The following NELL1 variants were observed in gnomAD, a reference collection of about 807,000 sequenced individuals.
The protein encoded by NELL1 is protein kinase C-binding protein NELL1.
A neutral mutation model predicts 107.4 loss-of-function variants in NELL1; 76 were observed. The observed-to-expected ratio is 0.71, with a 90% CI of 0.59 to 0.86. The LOEUF (loss-of-function observed/expected upper bound fraction) is 0.86, where lower values mean the gene tolerates loss of function less well. Ranked by LOEUF, NELL1 falls within the 40% of genes least tolerant of loss-of-function variation. The probability of loss-of-function intolerance (pLI) is 0.00; values close to 1 mark genes in which losing one functional copy is unlikely to be tolerated. For missense variants in NELL1, 1,024 were observed against 1,005.5 expected (o/e 1.02, Z -0.25); for synonymous variants, 353 against 341.2 (o/e 1.03, Z -0.38).
chr11:20,921,740 A>C (rs995926670), intron 7 of NELL1, among the ~76,000 whole-genome samples: 3 of 151,332 alleles, frequency 2.0e-5, no homozygotes, highest in Non-Finnish European at 2.9e-5. Context: ...TAGAACTTGT[A>C]GTAACTTTTC....
intron 14 of NELL1, among the ~76,000 whole-genome samples, chr11:21,340,582 A>AGTAGG (rs76828592): frequency 0.39 from 57,741 of 148,702 alleles, 11,223 homozygotes; most frequent in East Asian, 0.45. Context: ...GGCATAGTGG[A>AGTAGG]GTAGGGTAGG....
chr11:20,939,782 G>A (rs368872177), intron 10 of NELL1, among the ~76,000 whole-genome samples: 1 of 152,130 alleles, frequency 6.6e-6, no homozygotes, highest in Non-Finnish European at 1.5e-5. Context: ...TACTGGTGCA[G>A]GAAGAGGAAC....
intron 15 of NELL1, among the ~76,000 whole-genome samples, chr11:21,530,312 T>C (rs1386295084): frequency 6.6e-6 from 1 of 152,172 alleles, no homozygotes; most frequent in African/African-American, 2.4e-5. Context: ...ATTGGTTTTA[T>C]AAATTGTCAA....
intron 16 of NELL1, among the ~76,000 whole-genome samples, chr11:21,541,875 T>A (rs550629410): frequency 2.0e-4 from 31 of 152,222 alleles, no homozygotes; most frequent in African/African-American, 7.2e-4. Flanking sequence ...TTCCCTCACC[T>A]GTCACATGAA....
At chr11:21,475,463 A>G (rs1268479934) in intron 15 of NELL1, among the ~76,000 whole-genome samples, 1 of 152,164 alleles carries the variant, frequency 6.6e-6, no homozygotes, top group Non-Finnish European at 1.5e-5. Flanking sequence ...TGTAGGCATC[A>G]TTGTCAGGAC....
At chr11:21,309,994 G>A (rs901052452) in intron 14 of NELL1, among the ~76,000 whole-genome samples, 3 of 152,090 alleles carry the variant, frequency 2.0e-5, no homozygotes, top group African/African-American at 7.2e-5. Context: ...AGGCATGGCA[G>A]ATACAACTTC....
intron 12 of NELL1, among the ~76,000 whole-genome samples, chr11:20,961,359 C>G (rs1034400773): frequency 1.3e-5 from 2 of 152,150 alleles, no homozygotes; most frequent in African/African-American, 4.8e-5. Flanking sequence ...GGCTCCCTTC[C>G]ATCAGTTTGC....
intron 11 of NELL1, among the ~76,000 whole-genome samples, chr11:20,951,647 G>A (rs1359806811): frequency 6.6e-6 from 1 of 152,066 alleles, no homozygotes; most frequent in African/African-American, 2.4e-5. Context: ...TGGAGCAGCT[G>A]GGACACCCAT....
At chr11:21,493,701 A>G (rs974289948) in intron 15 of NELL1, among the ~76,000 whole-genome samples, 8 of 152,082 alleles carry the variant, frequency 5.3e-5, no homozygotes, top group African/African-American at 1.9e-4. Flanking sequence ...TAGGGTGACT[A>G]TAGTTAGCAA....
At chr11:21,145,297 T>C (rs936180224) in intron 13 of NELL1, among the ~76,000 whole-genome samples, 2 of 152,144 alleles carry the variant, frequency 1.3e-5, no homozygotes, top group African/African-American at 4.8e-5. Flanking sequence ...TTATAAGTGG[T>C]AGAATTGGTT....
At chr11:21,332,247 A>G (rs1850288050) in intron 14 of NELL1, among the ~76,000 whole-genome samples, 1 of 151,970 alleles carries the variant, frequency 6.6e-6, no homozygotes, top group African/African-American at 2.4e-5. Context: ...CAAAGGTCCA[A>G]GGGGGCTCCT....
intron 14 of NELL1, among the ~76,000 whole-genome samples, chr11:21,303,834 A>G (rs1199326450): frequency 6.6e-6 from 1 of 152,026 alleles, no homozygotes; most frequent in African/African-American, 2.4e-5. Context: ...TGGGAAACCC[A>G]GGATCAAGGT....
chr11:20,777,162 C>T (rs978862512), intron 2 of NELL1, among the ~76,000 whole-genome samples: 1 of 152,222 alleles, frequency 6.6e-6, no homozygotes, highest in Non-Finnish European at 1.5e-5. Context: ...GTTGAAATCT[C>T]AGCACCAAGC....
intron 13 of NELL1, among the ~76,000 whole-genome samples, chr11:21,121,753 T>G (rs1351564634): frequency 6.6e-6 from 1 of 152,106 alleles, no homozygotes; most frequent in African/African-American, 2.4e-5. Context: ...ACCTGTCACA[T>G]ACACAAAAAA....
chr11:21,571,176 A>G (rs1242131066), intron 18 of NELL1, among the ~76,000 whole-genome samples: 7 of 151,926 alleles, frequency 4.6e-5, no homozygotes, highest in African/African-American at 9.7e-5. Flanking sequence ...GACAGTTTAC[A>G]GCTATTACTA....
At chr11:21,388,497 T>C (rs949512690) in intron 15 of NELL1, among the ~76,000 whole-genome samples, 5 of 151,882 alleles carry the variant, frequency 3.3e-5, no homozygotes, top group African/African-American at 9.7e-5. Context: ...TAGTTCTTTA[T>C]AGTCACAGAC....
In NELL1 at chr11:20,701,954, T is replaced by C. The variant is rs1854802735; in HGVS notation, c.184+23894T>C. On this transcript the variant is annotated intron_variant, in intron 2 of 19. Coordinates refer to ENST00000357134, the MANE Select transcript of NELL1 (RefSeq NM_006157.5). ...AAGTAAGGTAGCATGATGCCTCCAGTTTTGTTCTTTTGGCTCAGAATTGTC... is the reference window on the plus strand; with the variant it reads ...AAGTAAGGTAGCATGATGCCTCCAGCTTTGTTCTTTTGGCTCAGAATTGTC... Among the ~76,000 whole-genome samples, 3 of 152,118 alleles carry C rather than the reference T, an allele frequency of 2.0e-5. No homozygotes were observed. The South Asian group carries it at 6.2e-4, about 32-fold the overall frequency.
chr11:20,863,020 C>T (rs1012315118), intron 4 of NELL1, among the ~76,000 whole-genome samples: 18 of 152,166 alleles, frequency 1.2e-4, no homozygotes, highest in Admixed American at 1.0e-3. Flanking sequence ...ACAGACACAG[C>T]AACAATCTGA....
chr11:20,973,101 CTTT>C (rs761894107), intron 12 of NELL1, among the ~76,000 whole-genome samples: 2 of 92,498 alleles, frequency 2.2e-5, no homozygotes, highest in South Asian at 3.9e-4. Context: ...ATCTTCATTA[CTTT>C]TTTTTTTTTT....
Sources: allele counts gnomAD v4.1 joint callset (sites outside exome capture counted in the v4.1 genomes callset), GRCh38; gene constraint gnomAD v4.1.1; transcripts MANE v1.5; gene names NCBI Gene and HGNC (gene_info 2026-07-23, HGNC 2026-07-21).